Variants in MLH3 observed in about 807,000 individuals in gnomAD.
MLH3 encodes the protein DNA mismatch repair protein Mlh3.
Under a neutral mutation model 122.2 loss-of-function variants are expected in MLH3, and 82 were observed. The ratio of observed to expected loss-of-function variants is 0.67; its 90% confidence interval spans 0.56 to 0.81. MLH3 has a LOEUF of 0.81. Among genes scored for constraint, MLH3 ranks in the 30% least tolerant of loss-of-function variants. The pLI, the probability that MLH3 is intolerant of heterozygous loss-of-function variation, is 0.00. For missense variants in MLH3, 1,539 were observed against 1,714.5 expected (o/e 0.90, Z 1.81); for synonymous variants, 524 against 599.5 (o/e 0.87, Z 1.84).
At chr14:75,027,683 A>AC (rs1890737243) in intron 9 of MLH3, among the ~76,000 whole-genome samples, 4 of 149,914 alleles carry the variant, frequency 2.7e-5, no homozygotes, top group Non-Finnish European at 4.4e-5. Flanking sequence ...AAAAAAAAAA[A>AC]AAAAAAAAAA....
chr14:75,042,253 G>A (rs373159111), intron 3 of MLH3, 126 bp downstream of exon 3: 9 of 822,796 alleles, frequency 1.1e-5, no homozygotes, highest in South Asian at 2.7e-5. Context: ...AAACAGGGCC[G>A]TGGGGAATTC....
At chr14:75,019,127 A>AT (rs1255968740) in intron 11 of MLH3, 147 bp from the exon 12 acceptor site, 2 of 756,570 alleles carry the variant, frequency 2.6e-6, no homozygotes, top group African/African-American at 1.7e-5. Flanking sequence ...ATTGGTGCTT[A>AT]TAGGCCGGGC....
At chr14:75,036,895 A>G (rs1437138039) in intron 6 of MLH3, among the ~76,000 whole-genome samples, 1 of 152,126 alleles carries the variant, frequency 6.6e-6, no homozygotes, top group East Asian at 1.9e-4. Context: ...TGTCTCAGAT[A>G]TTGCAATATT....
At chr14:75,050,539 A>T (rs1892587475) in intron 1 of MLH3, among the ~76,000 whole-genome samples, 1 of 152,104 alleles carries the variant, frequency 6.6e-6, no homozygotes, top group Non-Finnish European at 1.5e-5. Context: ...AGCTGGGATT[A>T]CAGGCGCTCG....
chr14:75,034,063 C>T (rs1157849969), intron 6 of MLH3, among the ~76,000 whole-genome samples: 4 of 151,878 alleles, frequency 2.6e-5, no homozygotes, highest in Admixed American at 1.3e-4. Flanking sequence ...TGTGGTGGCA[C>T]GCGCCTGTAG....
At chr14:75,041,567 A>C (rs370307777) in intron 4 of MLH3, 48 bp downstream of exon 4, 2 of 1,419,464 alleles carry the variant, frequency 1.4e-6, no homozygotes, top group African/African-American at 2.9e-5. Flanking sequence ...AAAAATAAGA[A>C]GAAGAAGAAG....
In MLH3 at chr14:75,049,697, TTC is replaced by T. The variant is rs764058443; in HGVS notation, c.-44_-43del. On this transcript the variant is annotated 5_prime_UTR_variant, in exon 2 of 13. Transcript: ENST00000355774. ...GTGAGAATGCCAGGCACTGGTTTCC[TTC>T]TCTGACTGGAAATAATTGCCTATTG... The T allele has an allele frequency of 5.7e-6, 9 of 1,590,706 alleles. No individual in the cohort carries two copies. The Admixed American group carries it at 1.4e-4, about 25-fold the overall frequency.
chr14:75,019,410 CAAAAAAAAAAAA>C (rs11306878), intron 11 of MLH3, among the ~76,000 whole-genome samples: 1 of 68,634 alleles, frequency 1.5e-5, no homozygotes, highest in East Asian at 5.1e-4. Context: ...ACTCCGTTCT[CAAAAAAAAAAAA>C]AAAAAAAAAA....
intron 6 of MLH3, chr14:75,036,831 A>T: frequency 2.2e-6 from 1 of 453,784 alleles, no homozygotes; most frequent in South Asian, 1.6e-5. Context: ...TATCTCCTAA[A>T]TATCTTTCCA....
chr14:75,037,797 GA>G (rs919260213), intron 6 of MLH3, among the ~76,000 whole-genome samples: 11 of 146,418 alleles, frequency 7.5e-5, no homozygotes, highest in Non-Finnish European at 9.1e-5. Flanking sequence ...CCACAAAAAG[GA>G]AAAAAAAAAG....
chr14:75,043,774 T>G (rs1015607380), intron 2 of MLH3, among the ~76,000 whole-genome samples: 1 of 152,204 alleles, frequency 6.6e-6, no homozygotes, highest in Non-Finnish European at 1.5e-5. Context: ...CAAAATCACC[T>G]TTATAGATCC....
Position 75,047,370 on chromosome 14 carries a change from C to G in MLH3, c.2286G>C (p.Gly762=), listed in dbSNP as rs1378919812. The G allele has an allele frequency of 6.2e-7, 1 of 1,614,128 alleles. No homozygotes were observed. The highest frequency in any genetic ancestry group is 1.1e-5 in the South Asian group (1 of 91,086). Residue 762 remains glycine (G), a synonymous_variant, in exon 2 of 13, where the codon GGG becomes GGC. Transcript: ENST00000355774. The part of the protein sequence containing the change: ...GSLEKFKRQY[G]KVENPLDTEV... ...CTGTATCCAGAGGATTTTCAACCTT[C>G]CCATATTGCCTCTTAAACTTCTCTA...
rs760973900 is a variant in MLH3, at chr14:75,049,208, TA to T, written c.447del (p.Tyr149Ter). The T allele has an allele frequency of 1.5e-5, 24 of 1,614,086 alleles. No individual in the cohort carries two copies. ...RASAGTTVTV[Y>X]NLFYQLPVRR... is the part of the protein sequence containing the mutation. ...CTTACAGGAAGCTGGTAAAATAGGT[TA>T]TACACTGTTACAGTAGTCCCAGCGC... On this transcript the variant is annotated frameshift_variant, in exon 2 of 13. Transcript: ENST00000355774. LOFTEE classifies it high-confidence loss of function.
Position 75,022,490 on chromosome 14 carries a change from G to C in MLH3, c.4090+324C>G, listed in dbSNP as rs28757044. On this transcript the variant is annotated intron_variant, in intron 11 of 12. Coordinates refer to ENST00000355774, the MANE Select transcript of MLH3 (RefSeq NM_001040108.2). ...TCTGTTCTGCCTCTCTGCACAGGCT[G>C]TTTACTCTCCCTATAGTGAATTCCC... 5.9e-3 allele frequency among the ~76,000 whole-genome samples: 900 copies of C among 152,248 alleles called. 8 individuals are homozygous for C. Among genetic ancestry groups the C allele is most frequent in the African/African-American group, 0.021 (865 of 41,528 alleles).
At chr14:75,033,353 G>C in intron 7 of MLH3, 66 bp downstream of exon 7, 1 of 1,255,814 alleles carries the variant, frequency 8.0e-7, no homozygotes, top group Middle Eastern at 1.9e-4. Context: ...AGTTAGAAAA[G>C]CTCTTTGAGG....
chr14:75,027,935 A>C (rs921416653), intron 9 of MLH3, among the ~76,000 whole-genome samples: 1 of 151,934 alleles, frequency 6.6e-6, no homozygotes, highest in African/African-American at 2.4e-5. Flanking sequence ...AATTACTTTT[A>C]AACTTTGATA....
Position 75,014,152 on chromosome 14 carries a change from G to A in MLH3, c.*2930C>T, listed in dbSNP as rs1352460283. The A allele has an allele frequency of 5.8e-6, 1 of 173,906 alleles. No individual in the cohort carries two copies. The highest frequency in any genetic ancestry group is 1.0e-4 in the East Asian group (1 of 9,646). The allele number at this position is 173,906 out of a possible 1,614,324, so 10.8% of individuals were successfully genotyped here. A position where few individuals can be genotyped will look rare whatever the true frequency, so the allele number is the denominator to read the frequency against. ...GCTGAGCTGCATCTGTCCTTACTTG[G>A]CGTGGCTTCCTCAGCCCCCTCCACA... On this transcript the variant is annotated 3_prime_UTR_variant, in exon 13 of 13. Coordinates refer to ENST00000355774, the MANE Select transcript of MLH3 (RefSeq NM_001040108.2).
chr14:75,041,784 G>A (rs1027444528), intron 3 of MLH3, 84 bp from the exon 4 acceptor site: 19 of 916,380 alleles, frequency 2.1e-5, no homozygotes, highest in Non-Finnish European at 5.5e-6. Context: ...GTGAGCCATA[G>A]CCTCAAGACC....
chr14:75,051,055 T>C (rs1892623677), intron 1 of MLH3: 1 of 152,248 alleles, frequency 6.6e-6, no homozygotes, highest in Non-Finnish European at 1.5e-5. Flanking sequence ...AGTATTCCGA[T>C]TAATGTAAAC....
Sources: allele counts gnomAD v4.1 joint callset (sites outside exome capture counted in the v4.1 genomes callset), GRCh38; gene constraint gnomAD v4.1.1; transcripts MANE v1.5; gene names NCBI Gene and HGNC (gene_info 2026-07-23, HGNC 2026-07-21).